The following SYN3 variants were observed in gnomAD, a reference collection of about 807,000 sequenced individuals.
SYN3 encodes synapsin III, also known as synapsin-3.
Under a neutral mutation model 65.8 loss-of-function variants are expected in SYN3, and 35 were observed. That is an observed-to-expected ratio of 0.53 (90% CI 0.41 to 0.70). The LOEUF (loss-of-function observed/expected upper bound fraction) is 0.70. SYN3 is among the 30% of genes least tolerant of loss of function. SYN3 has a pLI of 0.00. For synonymous variants in SYN3, 270 were observed against 292.9 expected (o/e 0.92, Z 0.80); for missense variants, 680 against 749.0 (o/e 0.91, Z 1.08).
chr22:32,975,233 G>C (rs1248789180), intron 3 of SYN3, among the ~76,000 whole-genome samples: 3 of 151,982 alleles, frequency 2.0e-5, no homozygotes, highest in African/African-American at 7.3e-5. Context: ...AAATTAGCTG[G>C]GCCTGGTGGC....
intron 6 of SYN3, among the ~76,000 whole-genome samples, chr22:32,778,446 G>A (rs13056645): frequency 0.33 from 46,856 of 143,616 alleles, 8,001 homozygotes; most frequent in East Asian, 0.51. Context: ...ACGCCACCAT[G>A]TCCAGCTAAT....
At chr22:32,913,619 C>T (rs901429922) in intron 4 of SYN3, among the ~76,000 whole-genome samples, 4 of 152,156 alleles carry the variant, frequency 2.6e-5, no homozygotes, top group African/African-American at 9.7e-5. Context: ...CTGAGAGCTT[C>T]AGTTTCTTCA....
chr22:32,657,004 A>G (rs908718521), intron 6 of SYN3, among the ~76,000 whole-genome samples: 21 of 152,204 alleles, frequency 1.4e-4, no homozygotes, highest in Non-Finnish European at 2.8e-4. Flanking sequence ...CTTCTGCCCC[A>G]TTCTGGCTTG....
Position 32,819,363 on chromosome 22 carries a change from C to T in SYN3, c.711+45552G>A, listed in dbSNP as rs543632505. ...TGGTGAGGTCCTGCGGTCTCCTTCT[C>T]GAGGCCCAGCCCGGCCCCATATTGG... On this transcript the variant is annotated intron_variant, in intron 6 of 13. Coordinates refer to ENST00000358763, the MANE Select transcript of SYN3 (RefSeq NM_003490.4). Among the ~76,000 whole-genome samples the T allele has an allele frequency of 2.1e-3, 325 of 152,336 alleles. 1 individual carries two copies. The highest frequency in any genetic ancestry group is 7.4e-3 in the African/African-American group (309 of 41,578).
chr22:32,604,971 AC>A (rs1313333123), intron 6 of SYN3, among the ~76,000 whole-genome samples: 1 of 143,932 alleles, frequency 6.9e-6, no homozygotes, highest in Admixed American at 7.2e-5. Context: ...GCGCCACTGC[AC>A]ACCAGCCTGG....
intron 6 of SYN3, among the ~76,000 whole-genome samples, chr22:32,780,334 A>G (rs1220857628): frequency 3.9e-5 from 6 of 152,074 alleles, no homozygotes; most frequent in African/African-American, 1.5e-4. Flanking sequence ...CTGGGGGCTA[A>G]AATTACAGGT....
chr22:32,768,049 A>T (rs1473214670), intron 6 of SYN3, among the ~76,000 whole-genome samples: 1 of 151,220 alleles, frequency 6.6e-6, no homozygotes, highest in Non-Finnish European at 1.5e-5. Flanking sequence ...CTTTAAAAGT[A>T]TCATTTCTCT....
intron 4 of SYN3, among the ~76,000 whole-genome samples, chr22:32,897,309 G>A (rs1015426011): frequency 6.6e-6 from 1 of 152,170 alleles, no homozygotes; most frequent in Non-Finnish European, 1.5e-5. Context: ...CCCACACTTA[G>A]GGAGCCCCAC....
chr22:32,600,429 C>A (rs1016912264), intron 6 of SYN3, among the ~76,000 whole-genome samples: 1 of 152,158 alleles, frequency 6.6e-6, no homozygotes, highest in Non-Finnish European at 1.5e-5. Flanking sequence ...TTCTGCTGTG[C>A]AGCTCTGTTT....
At chr22:33,044,936 G>A (rs1213565349) in intron 1 of SYN3, among the ~76,000 whole-genome samples, 6 of 150,794 alleles carry the variant, frequency 4.0e-5, no homozygotes, top group East Asian at 3.9e-4. Context: ...TCTGCCTCCC[G>A]GGTTCAAGCG....
At chr22:32,791,540 C>T (rs1462797905) in intron 6 of SYN3, among the ~76,000 whole-genome samples, 1 of 151,778 alleles carries the variant, frequency 6.6e-6, no homozygotes, top group Non-Finnish European at 1.5e-5. Context: ...AAAGACCCAT[C>T]TGGTTTCAGG....
intron 1 of SYN3, among the ~76,000 whole-genome samples, chr22:33,034,820 T>C (rs909392589): frequency 3.9e-5 from 6 of 152,200 alleles, no homozygotes; most frequent in African/African-American, 1.4e-4. Flanking sequence ...CCTTTGGATC[T>C]GTCTAGTCTA....
At chr22:33,030,110 C>G (rs1200958350) in intron 1 of SYN3, among the ~76,000 whole-genome samples, 1 of 152,082 alleles carries the variant, frequency 6.6e-6, no homozygotes, top group African/African-American at 2.4e-5. Context: ...GGAAAGGTAC[C>G]AAGTCTGGCT....
intron 4 of SYN3, among the ~76,000 whole-genome samples, chr22:32,911,876 C>T (rs2050061077): frequency 6.6e-6 from 1 of 152,120 alleles, no homozygotes; most frequent in Admixed American, 6.5e-5. Context: ...CCCACTCCGA[C>T]GTCAGAAAAA....
chr22:32,999,442 C>T (rs139650084), intron 2 of SYN3, among the ~76,000 whole-genome samples: 132 of 152,030 alleles, frequency 8.7e-4, no homozygotes, highest in African/African-American at 2.8e-3. Flanking sequence ...CCCAGCACTC[C>T]GGGAGGCCGA....
At chr22:32,527,540 CA>C (rs1420457141) in intron 12 of SYN3, 2 of 170,024 alleles carry the variant, frequency 1.2e-5, no homozygotes, top group Admixed American at 1.2e-4. Flanking sequence ...GTGGAGGATG[CA>C]GTGAGCCGAG....
At chr22:32,721,032 C>G (rs2061111032) in intron 6 of SYN3, among the ~76,000 whole-genome samples, 1 of 152,268 alleles carries the variant, frequency 6.6e-6, no homozygotes, top group South Asian at 2.1e-4. Flanking sequence ...CCTGGGCTCT[C>G]AGAGCTGCAG....
At chr22:32,823,417 T>G (rs1025440328) in intron 6 of SYN3, among the ~76,000 whole-genome samples, 1 of 152,178 alleles carries the variant, frequency 6.6e-6, no homozygotes, top group Admixed American at 6.5e-5. Flanking sequence ...TGAGCTAGAT[T>G]TGAACCTGGG....
At chr22:32,687,137 A>C (rs2060601495) in intron 6 of SYN3, among the ~76,000 whole-genome samples, 1 of 151,902 alleles carries the variant, frequency 6.6e-6, no homozygotes, top group African/African-American at 2.4e-5. Context: ...AATACCCAGT[A>C]GGTCTTGTTT....
Sources: allele counts gnomAD v4.1 joint callset (sites outside exome capture counted in the v4.1 genomes callset), GRCh38; gene constraint gnomAD v4.1.1; transcripts MANE v1.5; gene names NCBI Gene and HGNC (gene_info 2026-07-23, HGNC 2026-07-21).